GCNT2: variants seen among roughly 807,000 people sequenced by gnomAD.
The protein encoded by GCNT2 is N-acetyllactosaminide beta-1,6-N-acetylglucosaminyl-transferase.
Under a neutral mutation model 34.2 loss-of-function variants are expected in GCNT2, and 34 were observed. That is an observed-to-expected ratio of 1.00 (90% CI 0.76 to 1.32). The LOEUF (loss-of-function observed/expected upper bound fraction) is 1.32. GCNT2 is among the 40% of genes most tolerant of loss of function. The probability of loss-of-function intolerance (pLI) is 0.00; values close to 1 mark genes in which losing one functional copy is unlikely to be tolerated. For missense variants in GCNT2, 584 were observed against 489.4 expected (o/e 1.19, Z -1.82); for synonymous variants, 212 against 188.0 (o/e 1.13, Z -1.04).
chr6:10,569,931 CTCTTCCTTCCTTCCT>C (rs1295122983), intron 3 of GCNT2, among the ~76,000 whole-genome samples: 7 of 127,002 alleles, frequency 5.5e-5, no homozygotes, highest in South Asian at 2.7e-4. Context: ...CTTTCTCTCT[CTCTTCCTTCCTTCCT>C]TCTTCCTTCC....
rs377150400 is a variant in GCNT2 at position 10,557,740 on chromosome 6, T to C, written c.925+27904T>C. On this transcript the variant is annotated intron_variant, in intron 3 of 4. Transcript: ENST00000495262. ...TCCACAGCTCAAGCTATCCTCCCCA[T>C]CTTGGCCTCCCAAAATGCTGGGATT... 5.6e-4 allele frequency among the ~76,000 whole-genome samples: 85 copies of C among 152,240 alleles called. 2 individuals are homozygous for C. In the South Asian group the frequency reaches 0.013, roughly 23 times the overall value.
chr6:10,543,006 C>G (rs1329330905), intron 3 of GCNT2, among the ~76,000 whole-genome samples: 2 of 148,914 alleles, frequency 1.3e-5, no homozygotes, highest in African/African-American at 5.0e-5. Context: ...CTCCCGGGTT[C>G]AAGCGATTCT....
At chr6:10,565,602 G>A (rs1172794363) in intron 3 of GCNT2, among the ~76,000 whole-genome samples, 2 of 152,118 alleles carry the variant, frequency 1.3e-5, no homozygotes, top group African/African-American at 4.8e-5. Context: ...TTGTTTCTTT[G>A]CAGTCAGCTT....
At position 10,582,458 on chromosome 6, in the gene GCNT2, AAT is replaced by A. The variant is rs1241555615; in HGVS notation, c.926-38891_926-38890del. On this transcript the variant is annotated intron_variant, in intron 3 of 4. Coordinates refer to ENST00000495262, the MANE Select transcript of GCNT2 (RefSeq NM_145649.5). ...TTAATATTTATTATATAATATATAT[AAT>A]AAATATAATATATACTATAATATAT... is the stretch of plus-strand genomic sequence containing the variant. Among the ~76,000 whole-genome samples, 294 of 121,500 alleles carry A rather than the reference AAT, an allele frequency of 2.4e-3. 8 individuals are homozygous for A. The highest frequency in any genetic ancestry group is 9.7e-3 in the African/African-American group (268 of 27,542). 79.7% of individuals were successfully genotyped at this position (121,500 alleles called of 152,430 possible). A position where few individuals can be genotyped will look rare whatever the true frequency, so the allele number is the denominator to read the frequency against.
At chr6:10,562,280 G>C (rs1028577018) in intron 3 of GCNT2, among the ~76,000 whole-genome samples, 5 of 152,178 alleles carry the variant, frequency 3.3e-5, no homozygotes, top group South Asian at 2.1e-4. Flanking sequence ...GCTTCCATCA[G>C]GCAAATTCTC....
intron 3 of GCNT2, among the ~76,000 whole-genome samples, chr6:10,600,042 T>G (rs1765029587): frequency 6.6e-6 from 1 of 152,192 alleles, no homozygotes; most frequent in Non-Finnish European, 1.5e-5. Flanking sequence ...ACGAAATGAT[T>G]TGTCTGTGTT....
chr6:10,556,531 A>G lies in GCNT2; in HGVS notation c.925+26695A>G, dbSNP rs372372101. 1.5e-5 allele frequency: 24 copies of G among 1,613,942 alleles called. No homozygotes were observed. The African/African-American group carries it at 3.1e-4, about 21-fold the overall frequency. ...GGGGAGATCCAAGCTTCCAAAGGCT[A>G]AATATCTCAGACCCTTTGAGGCTGA... On this transcript the variant is annotated intron_variant, in intron 3 of 4. Coordinates refer to ENST00000495262, the MANE Select transcript of GCNT2 (RefSeq NM_145649.5).
intron 3 of GCNT2, chr6:10,587,055 G>A (rs1035191199): frequency 2.9e-6 from 2 of 688,586 alleles, no homozygotes; most frequent in Non-Finnish European, 5.1e-6. Flanking sequence ...TAGCAACAGT[G>A]TATTGCTGAC....
chr6:10,574,157 C>T (rs554679947), intron 3 of GCNT2, among the ~76,000 whole-genome samples: 33 of 152,190 alleles, frequency 2.2e-4, no homozygotes, highest in Non-Finnish European at 2.5e-4. Flanking sequence ...AACGGGGGCA[C>T]GCAGAGGGGC....
intron 3 of GCNT2, among the ~76,000 whole-genome samples, chr6:10,573,730 T>C (rs1025573082): frequency 1.3e-5 from 2 of 152,204 alleles, no homozygotes; most frequent in Admixed American, 1.3e-4. Flanking sequence ...CATCGTTAGC[T>C]TTTTGCAGGT....
intron 3 of GCNT2, among the ~76,000 whole-genome samples, chr6:10,589,091 GGTGTGTGTGTA>G (rs1351809582): frequency 3.2e-4 from 39 of 121,184 alleles, no homozygotes; most frequent in Admixed American, 1.3e-3. Context: ...TTTGTAGTGT[GGTGTGTGTGTA>G]GTGTGTGTGT....
chr6:10,556,866 C>T, intron 3 of GCNT2: 2 of 1,614,176 alleles, frequency 1.2e-6, no homozygotes, highest in Non-Finnish European at 1.7e-6. Context: ...TTCCCAAACG[C>T]TTTTCTGGCT....
At chr6:10,580,406 C>G (rs1764020389) in intron 3 of GCNT2, among the ~76,000 whole-genome samples, 1 of 152,188 alleles carries the variant, frequency 6.6e-6, no homozygotes, top group Non-Finnish European at 1.5e-5. Context: ...TGTGCCTTAC[C>G]TGCCTGTAGG....
At chr6:10,586,773 T>C in intron 3 of GCNT2, 1 of 1,614,110 alleles carries the variant, frequency 6.2e-7, no homozygotes, top group Non-Finnish European at 8.5e-7. Flanking sequence ...GACCATCTAC[T>C]TTGGCACTGC....
At chr6:10,597,153 C>CT (rs33945698) in intron 3 of GCNT2, among the ~76,000 whole-genome samples, 51,506 of 112,590 alleles carry the variant, frequency 0.46, 14,488 homozygotes, top group Middle Eastern at 0.68. Context: ...TAGGAATTGC[C>CT]TTTTTTTTTT....
At chr6:10,616,961 C>T (rs367709910) in intron 3 of GCNT2, among the ~76,000 whole-genome samples, 2 of 152,084 alleles carry the variant, frequency 1.3e-5, no homozygotes, top group African/African-American at 2.4e-5. Context: ...AGGTTCTCCA[C>T]GTCCCCACCA....
At chr6:10,522,209 A>C (rs1760947268) in intron 1 of GCNT2, among the ~76,000 whole-genome samples, 1 of 151,520 alleles carries the variant, frequency 6.6e-6, no homozygotes, top group Admixed American at 6.6e-5. Context: ...TTATTTAATT[A>C]GTTGCTGTGA....
At position 10,545,147 on chromosome 6, in the gene GCNT2, C is replaced by T. The variant is rs190440484; in HGVS notation, c.925+15311C>T. Reference sequence around the variant, plus strand: ...CCCAGCCCCCTCCTTTCTAATAAAACTGTATCTTCTCTTTCTAGTCTATAT... The same window carrying T: ...CCCAGCCCCCTCCTTTCTAATAAAATTGTATCTTCTCTTTCTAGTCTATAT... On this transcript the variant is annotated intron_variant, in intron 3 of 4. Transcript: ENST00000495262. Among the ~76,000 whole-genome samples the T allele has an allele frequency of 8.4e-4, 127 of 151,674 alleles. 1 individual carries two copies. Among genetic ancestry groups the T allele is most frequent in the Non-Finnish European group, 1.6e-3 (111 of 67,944 alleles).
chr6:10,592,151 A>G (rs537950967), intron 3 of GCNT2, among the ~76,000 whole-genome samples: 1 of 152,356 alleles, frequency 6.6e-6, no homozygotes, highest in African/African-American at 2.4e-5. Flanking sequence ...GCTGGAGGAC[A>G]ATCCACACTG....
Sources: allele counts gnomAD v4.1 joint callset (sites outside exome capture counted in the v4.1 genomes callset), GRCh38; gene constraint gnomAD v4.1.1; transcripts MANE v1.5; gene names NCBI Gene and HGNC (gene_info 2026-07-23, HGNC 2026-07-21).